The following HNRNPU variants were observed in gnomAD, a reference collection of about 807,000 sequenced individuals.
HNRNPU encodes HNRNPU antisense RNA 1.
A neutral mutation model predicts 94.7 loss-of-function variants in HNRNPU; 5 were observed. That is an observed-to-expected ratio of 0.05 (90% CI 0.03 to 0.11). The LOEUF is 0.11. Ranked by LOEUF, HNRNPU falls within the 10% of genes least tolerant of loss-of-function variation. HNRNPU has a pLI of 1.00. For missense variants in HNRNPU, 710 were observed against 1,049.2 expected (o/e 0.68, Z 4.47); for synonymous variants, 434 against 381.6 (o/e 1.14, Z -1.60).
intron 13 of HNRNPU, 74 bp from the exon 14 acceptor site, chr1:244,854,577 G>T (rs1017284922): frequency 2.1e-6 from 2 of 972,822 alleles, no homozygotes; most frequent in South Asian, 1.3e-5. Context: ...AAATGACAAT[G>T]AATCTAATTC....
chr1:244,860,901 G>T (rs1680807525), intron 3 of HNRNPU: 1 of 182,778 alleles, frequency 5.5e-6, no homozygotes, highest in Non-Finnish European at 1.1e-5. Flanking sequence ...TTTAAAATAG[G>T]AGTATGAGCT....
chr1:244,852,238 G>A lies in HNRNPU; in HGVS notation c.*2212C>T, dbSNP rs897067940. 1.3e-5 allele frequency: 2 copies of A among 152,132 alleles called. No individual in the cohort carries two copies. The allele number at this position is 152,132 out of a possible 1,614,324, so 9.4% of individuals were successfully genotyped here. A position where few individuals can be genotyped will look rare whatever the true frequency, so the allele number is the denominator to read the frequency against. On this transcript the variant is annotated 3_prime_UTR_variant, in exon 14 of 14. Transcript: ENST00000640218. The stretch of plus-strand genomic sequence containing the variant: ...AGGTTATTTCTGCCATACAAGTGTA[G>A]ACAATTGTATTAATTCTAGTCTTGA...
In HNRNPU at chr1:244,863,961, G is replaced by C; in HGVS notation, c.347C>G (p.Ala116Gly). 5.0e-6 allele frequency: 8 copies of C among 1,613,396 alleles called. No individual in the cohort carries two copies. Among genetic ancestry groups the C allele is most frequent in the Non-Finnish European group, 6.8e-6 (8 of 1,179,788 alleles). ...LGEENGAAGAADSGPMEEEEA... is the reference protein window; with the variant it reads ...LGEENGAAGAGDSGPMEEEEA... The stretch of plus-strand genomic sequence containing the variant: ...CTCCTCCTCCATCGGGCCCGAGTCG[G>C]CCGCCCCCGCGGCCCCGTTCTCCTC... The change falls in exon 1 of 14, where the codon GCC becomes GGC. Residue 116 changes from alanine to glycine, a missense_variant. By Grantham distance (60) the Ala-to-Gly change is moderately conservative. Around this residue, in one of 8 missense-constraint regions of HNRNPU, gnomAD observed 292 missense variants for 293.4 expected, o/e 1.00. Coordinates refer to ENST00000640218, the MANE Select transcript of HNRNPU (RefSeq NM_031844.3).
chr1:244,858,532 C>CA (rs1334503285), intron 6 of HNRNPU, 197 bp downstream of exon 6: 1 of 606,886 alleles, frequency 1.6e-6, no homozygotes, highest in Non-Finnish European at 2.9e-6. Context: ...TGTTTTCAGT[C>CA]AAAATGAATT....
chr1:244,859,166 G>T, intron 5 of HNRNPU, 109 bp downstream of exon 5: 1 of 643,764 alleles, frequency 1.6e-6, no homozygotes, highest in South Asian at 1.9e-5. Context: ...AGTATTAACA[G>T]AATAGATAAA....
chr1:244,863,650 C>T lies in HNRNPU; in HGVS notation c.658G>A (p.Gly220Arg). The change falls in exon 1 of 14, where the codon GGA (glycine) becomes AGA (arginine). Residue 220 changes from glycine to arginine, a missense_variant. Gly to Arg is a moderately radical substitution (Grantham distance 125, BLOSUM62 -2). Transcript: ENST00000640218. Reference sequence around the variant, plus strand: ...GGAGCCCCGGGGCGACCGCCGCCTCCGCCGCCTTCCGCCTTCTTCTTACCT... The same window carrying T: ...GGAGCCCCGGGGCGACCGCCGCCTCTGCCGCCTTCCGCCTTCTTCTTACCT... ...AGGKKKAEGGGGGGRPGAPAA... is the reference protein window; with the variant it reads ...AGGKKKAEGGRGGGRPGAPAA... The T allele has an allele frequency of 1.9e-6, 3 of 1,552,914 alleles. No individual in the cohort carries two copies. The highest frequency in any genetic ancestry group is 2.6e-6 in the Non-Finnish European group (3 of 1,162,038).
Position 244,855,934 on chromosome 1 carries a change from T to G in HNRNPU, c.2137A>C (p.Asn713His), listed in dbSNP as rs778537286. ...GGGHRGRGGF[N>H]MRGGNFRGGA... ...CCTCTGAAATTTCCACCACGCATAT[T>G]GAATCCTCCACGTCCTCTATGGCCA... is the stretch of plus-strand genomic sequence containing the variant. Residue 713 changes from asparagine to histidine, a missense_variant, in exon 11 of 14, where the codon AAT (asparagine) becomes CAT (histidine). Asn to His is a moderately conservative substitution (Grantham distance 68). Coordinates refer to ENST00000640218, the MANE Select transcript of HNRNPU (RefSeq NM_031844.3). The G allele has an allele frequency of 1.2e-6, 2 of 1,614,030 alleles. No homozygotes were observed. The highest frequency in any genetic ancestry group is 2.2e-5 in the South Asian group (2 of 91,072).
In HNRNPU at chr1:244,852,420, C is replaced by G. The variant is rs1680571014; in HGVS notation, c.*2030G>C. On this transcript the variant is annotated 3_prime_UTR_variant, in exon 14 of 14. Transcript: ENST00000640218. ...GAATTCCTTAATAAGCAATTTTAAA[C>G]TAGAAGATATATCCAAAACTTTTTA... 6.6e-6 allele frequency: 1 copy of G among 152,076 alleles called. No homozygotes were observed. Among genetic ancestry groups the G allele is most frequent in the Non-Finnish European group, 1.5e-5 (1 of 67,992 alleles). 9.4% of individuals were successfully genotyped at this position (152,076 alleles called of 1,614,324 possible).
chr1:244,854,188 CAG>C lies in HNRNPU; in HGVS notation c.*260_*261del, dbSNP rs1351926988. ...AAAAAAAAAAAAAAGTCACATTTTA[CAG>C]ATAAAATGTAGAACCCTGAAATACT... On this transcript the variant is annotated 3_prime_UTR_variant, in exon 14 of 14. Coordinates refer to ENST00000640218, the MANE Select transcript of HNRNPU (RefSeq NM_031844.3). 3.2e-6 allele frequency: 1 copy of C among 313,216 alleles called. No homozygotes were observed. Among genetic ancestry groups the C allele is most frequent in the Non-Finnish European group, 5.8e-6 (1 of 171,400 alleles). The allele number at this position is 313,216 out of a possible 1,614,324, so 19.4% of individuals were successfully genotyped here.
chr1:244,863,367 G>A (rs993516012), intron 1 of HNRNPU, among the ~76,000 whole-genome samples: 2 of 148,964 alleles, frequency 1.3e-5, no homozygotes, highest in South Asian at 2.1e-4. Context: ...CGGCTCTCGA[G>A]CCACATAATG....
Position 244,854,177 on chromosome 1 carries a change from G to T in HNRNPU, c.*273C>A. ...TCTGTTGTGATAAAAAAAAAAAAAAGTCACATTTTACAGATAAAATGTAGA... is the reference window on the plus strand; with the variant it reads ...TCTGTTGTGATAAAAAAAAAAAAAATTCACATTTTACAGATAAAATGTAGA... On this transcript the variant is annotated 3_prime_UTR_variant, in exon 14 of 14. Coordinates refer to ENST00000640218, the MANE Select transcript of HNRNPU (RefSeq NM_031844.3). 4 of 276,444 alleles carry T rather than the reference G, an allele frequency of 1.4e-5. No homozygotes were observed. Among genetic ancestry groups the T allele is most frequent in the Non-Finnish European group, 2.7e-5 (4 of 149,724 alleles). The allele number at this position is 276,444 out of a possible 1,614,324, so 17.1% of individuals were successfully genotyped here.
At chr1:244,862,412 A>AAC in intron 3 of HNRNPU, 49 bp downstream of exon 3, 1 of 1,308,050 alleles carries the variant, frequency 7.6e-7, no homozygotes, top group Non-Finnish European at 1.1e-6. Context: ...AAAAAAAAAA[A>AAC]AACCACCATC....
At chr1:244,863,048 C>T in intron 1 of HNRNPU, 1 of 314,714 alleles carries the variant, frequency 3.2e-6, no homozygotes, top group Non-Finnish European at 5.9e-6. Flanking sequence ...GGCGCGGCGG[C>T]GCTCCCCTCC....
In HNRNPU at chr1:244,852,071, CAG is replaced by C. The variant is rs1417171295; in HGVS notation, c.*2377_*2378del. 2.0e-5 allele frequency: 3 copies of C among 152,140 alleles called. No homozygotes were observed. The highest frequency in any genetic ancestry group is 2.9e-5 in the Non-Finnish European group (2 of 68,040). 9.4% of individuals were successfully genotyped at this position (152,140 alleles called of 1,614,324 possible). ...CAGAACTACATCCTTTTCAGATGTT[CAG>C]AGTTTTGCTTGCCATTAGGGAGGCA... On this transcript the variant is annotated 3_prime_UTR_variant, in exon 14 of 14. Coordinates refer to ENST00000640218, the MANE Select transcript of HNRNPU (RefSeq NM_031844.3).
intron 11 of HNRNPU, 112 bp from the exon 12 acceptor site, chr1:244,855,720 A>G (rs2102985189): frequency 7.5e-7 from 1 of 1,341,340 alleles, no homozygotes; most frequent in Non-Finnish European, 1.0e-6. Flanking sequence ...GTTTAAAGAC[A>G]AAAGAAATGT....
At position 244,864,131 on chromosome 1, in the gene HNRNPU, G is replaced by A. The variant is rs911651898; in HGVS notation, c.177C>T (p.Ser59=). The change falls in exon 1 of 14, where the codon AGC becomes AGT. Residue 59 remains serine (S), a synonymous_variant. Coordinates refer to ENST00000640218, the MANE Select transcript of HNRNPU (RefSeq NM_031844.3). ...CAGCGGAATCCCCGCCCAGGTCTAGGCTGCCGTTCCCGGGCTCCATGGCGG... is the reference window on the plus strand; with the variant it reads ...CAGCGGAATCCCCGCCCAGGTCTAGACTGCCGTTCCCGGGCTCCATGGCGG... The part of the protein sequence containing the change: ...GRPAMEPGNG[S]LDLGGDSAGR... 3.1e-6 allele frequency: 5 copies of A among 1,600,348 alleles called. No individual in the cohort carries two copies. Among genetic ancestry groups the A allele is most frequent in the Non-Finnish European group, 4.3e-6 (5 of 1,173,722 alleles).
chr1:244,860,829 C>T, intron 3 of HNRNPU: 1 of 273,978 alleles, frequency 3.6e-6, no homozygotes. Flanking sequence ...GTGAAGCATG[C>T]CAGAACCAGG....
At position 244,857,657 on chromosome 1, in the gene HNRNPU, C is replaced by T. The variant is rs930633910; in HGVS notation, c.1555G>A (p.Ala519Thr). 6.2e-7 allele frequency: 1 copy of T among 1,613,094 alleles called. No homozygotes were observed. Among genetic ancestry groups the T allele is most frequent in the African/African-American group, 1.3e-5 (1 of 75,038 alleles). The change falls in exon 8 of 14, where the codon GCA (alanine) becomes ACA (threonine). Residue 519 changes from alanine (A) to threonine (T), a missense_variant. Around this residue, in one of 8 missense-constraint regions of HNRNPU, gnomAD observed 150 missense variants for 187.9 expected, o/e 0.80. Coordinates refer to ENST00000640218, the MANE Select transcript of HNRNPU (RefSeq NM_031844.3). ...ATGTTATATTTCCCTGGATTTTCTG[C>T]TGCATGTTTAGTAACCCAGGTAGTT... ...GKTTWVTKHA[A>T]ENPGKYNILG...
rs527736531 is a variant in HNRNPU at position 244,859,179 on chromosome 1, C to A, written c.1117+96G>T. ...GAAGTATTAACAGAATAGATAAAAACAGACAAAAGGCTTAGAATGCCCTCT... is the reference window on the plus strand; with the variant it reads ...GAAGTATTAACAGAATAGATAAAAAAAGACAAAAGGCTTAGAATGCCCTCT... On this transcript the variant is annotated intron_variant, in intron 5 of 13. Transcript: ENST00000640218. 64 of 677,464 alleles carry A rather than the reference C, an allele frequency of 9.4e-5. No homozygotes were observed. In the South Asian group the frequency reaches 1.1e-3, roughly 12 times the overall value. 42.0% of individuals were successfully genotyped at this position (677,464 alleles called of 1,614,324 possible). A position where few individuals can be genotyped will look rare whatever the true frequency, so the allele number is the denominator to read the frequency against.
Sources: allele counts gnomAD v4.1 joint callset (sites outside exome capture counted in the v4.1 genomes callset), GRCh38; gene constraint gnomAD v4.1.1; regional missense constraint gnomAD v4.1.1; transcripts MANE v1.5; gene names NCBI Gene and HGNC (gene_info 2026-07-23, HGNC 2026-07-21).